PYGB: variants seen among roughly 807,000 people sequenced by gnomAD.
PYGB encodes the protein glycogen phosphorylase B.
A neutral mutation model predicts 94.3 loss-of-function variants in PYGB; 82 were observed. The ratio of observed to expected loss-of-function variants is 0.87; its 90% confidence interval spans 0.73 to 1.04. The LOEUF is 1.04. Among genes scored for constraint, PYGB ranks in the 50% least tolerant of loss-of-function variants. The pLI is 0.00. For synonymous variants in PYGB, 488 were observed against 479.1 expected (o/e 1.02, Z -0.24); for missense variants, 1,132 against 1,158.2 (o/e 0.98, Z 0.33).
intron 6 of PYGB, among the ~76,000 whole-genome samples, 189 bp from the exon 7 acceptor site, chr20:25,277,055 G>A (rs926332656): frequency 2.0e-5 from 3 of 152,036 alleles, no homozygotes; most frequent in South Asian, 2.1e-4. Flanking sequence ...AGTTGTGTGC[G>A]GTACATAGGG....
At position 25,280,377 on chromosome 20, in the gene PYGB, G is replaced by C; in HGVS notation, c.1204G>C (p.Glu402Gln). 6.2e-7 allele frequency: 1 copy of C among 1,614,214 alleles called. No individual in the cohort carries two copies. The highest frequency in any genetic ancestry group is 8.5e-7 in the Non-Finnish European group (1 of 1,180,028). Residue 402 changes from glutamate (E) to glutamine (Q), a missense_variant, in exon 10 of 20, where the codon GAG becomes CAG. Physicochemically the swap from Glu to Gln is conservative, Grantham distance 29 (BLOSUM62 2). Transcript: ENST00000216962. ...TGAGAAGCTGCTGCCGCGGCACCTG[G>C]AGATAATCTATGCCATCAACCAGCG... ...MFEKLLPRHL[E>Q]IIYAINQRHL...
chr20:25,259,398 C>T (rs924665477), intron 2 of PYGB, 60 bp downstream of exon 2: 1 of 1,353,290 alleles, frequency 7.4e-7, no homozygotes, highest in African/African-American at 1.4e-5. Context: ...AGGTCTGAAT[C>T]CATTTTCCCA....
At chr20:25,260,731 A>T (rs2092911465) in intron 2 of PYGB, among the ~76,000 whole-genome samples, 1 of 152,200 alleles carries the variant, frequency 6.6e-6, no homozygotes, top group African/African-American at 2.4e-5. Flanking sequence ...TTTCCTAGCC[A>T]AGGGAAGCTG....
At chr20:25,286,361 G>A (rs57822703) in intron 14 of PYGB, among the ~76,000 whole-genome samples, 3,169 of 152,128 alleles carry the variant, frequency 0.021, 101 homozygotes, top group African/African-American at 0.072. Flanking sequence ...AGTCTCTGCC[G>A]GCTGCACTCT....
chr20:25,290,017 C>A (rs1568698291), intron 15 of PYGB: 1 of 515,270 alleles, frequency 1.9e-6, no homozygotes, highest in Non-Finnish European at 4.0e-6. Flanking sequence ...AGTGAGTCCT[C>A]ACCTTGGACT....
intron 1 of PYGB, 134 bp from the exon 2 acceptor site, chr20:25,259,103 C>CCAGTA (rs1368785748): frequency 1.9e-5 from 15 of 784,316 alleles, no homozygotes; most frequent in African/African-American, 3.4e-5. Flanking sequence ...CAGAGCAAGC[C>CCAGTA]CAGTTTTTGT....
intron 11 of PYGB, 115 bp from the exon 12 acceptor site, chr20:25,281,918 C>G (rs2088371265): frequency 2.2e-6 from 2 of 896,866 alleles, no homozygotes; most frequent in Non-Finnish European, 3.6e-6. Context: ...GAAAACAGAA[C>G]AGAACCACTG....
intron 16 of PYGB, 31 bp downstream of exon 16, chr20:25,290,653 A>G: frequency 5.7e-6 from 9 of 1,582,312 alleles, no homozygotes; most frequent in Non-Finnish European, 7.8e-6. Context: ...TGGACAGAAA[A>G]CTCACTCCTG....
intron 1 of PYGB, among the ~76,000 whole-genome samples, chr20:25,249,363 GT>G (rs1339345990): frequency 6.6e-6 from 1 of 152,192 alleles, no homozygotes; most frequent in African/African-American, 2.4e-5. Context: ...ACAGCCCCCT[GT>G]TGCCAGTTTT....
chr20:25,250,987 AAAATAACAT>A (rs1442477927), intron 1 of PYGB: 1 of 152,250 alleles, frequency 6.6e-6, no homozygotes, highest in Non-Finnish European at 1.5e-5. Flanking sequence ...TTTAATACAT[AAAATAACAT>A]TATACTGAAC....
At chr20:25,258,079 A>T (rs2092906132) in intron 1 of PYGB, among the ~76,000 whole-genome samples, 1 of 152,250 alleles carries the variant, frequency 6.6e-6, no homozygotes, top group African/African-American at 2.4e-5. Context: ...GTAATGTAGA[A>T]GCCTATATTC....
intron 11 of PYGB, among the ~76,000 whole-genome samples, chr20:25,281,336 C>G (rs548892579): frequency 6.6e-6 from 1 of 152,246 alleles, no homozygotes; most frequent in South Asian, 2.1e-4. Context: ...GGCTCTGGCT[C>G]TGCGGGCAAC....
intron 18 of PYGB, chr20:25,294,770 T>C: frequency 7.5e-6 from 5 of 671,038 alleles, no homozygotes; most frequent in Non-Finnish European, 1.1e-5. Flanking sequence ...TAGTGTTTTA[T>C]TTCAGTGCAG....
At chr20:25,255,548 T>C (rs982685661) in intron 1 of PYGB, among the ~76,000 whole-genome samples, 3 of 152,214 alleles carry the variant, frequency 2.0e-5, no homozygotes, top group Non-Finnish European at 4.4e-5. Flanking sequence ...CACTCTGCCC[T>C]GTGAGTCACT....
chr20:25,296,036 C>G (rs1403818187), intron 19 of PYGB, among the ~76,000 whole-genome samples: 1 of 152,202 alleles, frequency 6.6e-6, no homozygotes, highest in African/African-American at 2.4e-5. Context: ...TGGAAGGAGA[C>G]TGCCTGGGCA....
At position 25,289,562 on chromosome 20, in the gene PYGB, T is replaced by C. The variant is rs530453829; in HGVS notation, c.1828-919T>C. 3.3e-5 allele frequency among the ~76,000 whole-genome samples: 5 copies of C among 152,120 alleles called. No homozygotes were observed. In the East Asian group the frequency reaches 7.7e-4, roughly 24 times the overall value. On this transcript the variant is annotated intron_variant, in intron 15 of 19. Coordinates refer to ENST00000216962, the MANE Select transcript of PYGB (RefSeq NM_002862.4). ...TTGGGAGGCTGAGTAGGAGGATCGA[T>C]TGTCCTGGGTGATTGAGGCTATAGT...
intron 14 of PYGB, chr20:25,285,091 C>T (rs1020063874): frequency 2.0e-5 from 3 of 152,240 alleles, no homozygotes; most frequent in Non-Finnish European, 2.9e-5. Context: ...GAGTAAGCCT[C>T]GATGGGGTGG....
In PYGB at chr20:25,277,095, A is replaced by G; in HGVS notation, c.773-149A>G. On this transcript the variant is annotated intron_variant, in intron 6 of 19. Coordinates refer to ENST00000216962, the MANE Select transcript of PYGB (RefSeq NM_002862.4). Reference sequence around the variant, plus strand: ...TGCAGGAGGGATCACGTTTACCTCCAGGGATGGGGGTGAGGGGAAGTAATG... The same window carrying G: ...TGCAGGAGGGATCACGTTTACCTCCGGGGATGGGGGTGAGGGGAAGTAATG... 6 of 660,820 alleles carry G rather than the reference A, an allele frequency of 9.1e-6. No homozygotes were observed. In the South Asian group the frequency reaches 1.1e-4, roughly 12 times the overall value. 40.9% of individuals were successfully genotyped at this position (660,820 alleles called of 1,614,324 possible). A position where few individuals can be genotyped will look rare whatever the true frequency, so the allele number is the denominator to read the frequency against.
chr20:25,260,825 A>T (rs779958219), intron 2 of PYGB, among the ~76,000 whole-genome samples: 1 of 152,216 alleles, frequency 6.6e-6, no homozygotes, highest in Non-Finnish European at 1.5e-5. Context: ...CACACGAGGA[A>T]ATTATATCCC....
Sources: allele counts gnomAD v4.1 joint callset (sites outside exome capture counted in the v4.1 genomes callset), GRCh38; gene constraint gnomAD v4.1.1; transcripts MANE v1.5; gene names NCBI Gene and HGNC (gene_info 2026-07-23, HGNC 2026-07-21).